MARCHF1: variants seen among roughly 807,000 people sequenced by gnomAD.
MARCHF1 encodes the protein membrane associated ring-CH-type finger 1.
A neutral mutation model predicts 54.2 loss-of-function variants in MARCHF1; 40 were observed. The observed-to-expected ratio is 0.74, with a 90% CI of 0.57 to 0.96. MARCHF1 has a LOEUF of 0.96. Among genes scored for constraint, MARCHF1 ranks in the 40% least tolerant of loss-of-function variants. MARCHF1 has a pLI of 0.00. For synonymous variants in MARCHF1, 236 were observed against 236.3 expected (o/e 1.00, Z 0.01); for missense variants, 586 against 656.5 (o/e 0.89, Z 1.17).
intron 1 of MARCHF1, among the ~76,000 whole-genome samples, chr4:164,207,383 C>T (rs946582801): frequency 1.4e-4 from 21 of 152,134 alleles, no homozygotes; most frequent in Non-Finnish European, 2.4e-4. Context: ...TACTGTGTTA[C>T]AGGCACCGGC....
At chr4:164,043,271 A>G (rs1754167412) in intron 2 of MARCHF1, among the ~76,000 whole-genome samples, 1 of 152,218 alleles carries the variant, frequency 6.6e-6, no homozygotes, top group Non-Finnish European at 1.5e-5. Flanking sequence ...TTCTGCCTGG[A>G]CATCCAGGCA....
intron 1 of MARCHF1, among the ~76,000 whole-genome samples, chr4:164,317,964 T>C (rs7680916): frequency 0.15 from 22,150 of 152,118 alleles, 2,463 homozygotes; most frequent in East Asian, 0.42. Context: ...AGGCTAAAAA[T>C]GATTTTCAGG....
intron 4 of MARCHF1, among the ~76,000 whole-genome samples, chr4:163,827,581 C>T (rs1015237128): frequency 6.6e-6 from 1 of 152,146 alleles, no homozygotes; most frequent in East Asian, 1.9e-4. Context: ...AAAAGCAGAG[C>T]ACCCCTCTGT....
chr4:163,551,441 A>G (rs770769714), intron 8 of MARCHF1, among the ~76,000 whole-genome samples: 31 of 152,224 alleles, frequency 2.0e-4, no homozygotes, highest in Non-Finnish European at 4.1e-4. Flanking sequence ...ATTTTAAAAG[A>G]CCAGCAGAAA....
At chr4:163,857,109 A>T (rs986190302) in intron 3 of MARCHF1, among the ~76,000 whole-genome samples, 2 of 148,826 alleles carry the variant, frequency 1.3e-5, no homozygotes, top group African/African-American at 4.9e-5. Context: ...GAGAGAGAGA[A>T]AAAAAAAAAA....
intron 4 of MARCHF1, among the ~76,000 whole-genome samples, chr4:163,839,589 A>T (rs1272195885): frequency 6.6e-6 from 1 of 152,140 alleles, no homozygotes; most frequent in Non-Finnish European, 1.5e-5. Context: ...TAAATAAAAG[A>T]TGTCAGTCAC....
intron 4 of MARCHF1, among the ~76,000 whole-genome samples, chr4:163,782,478 C>A (rs1747493148): frequency 6.6e-6 from 1 of 151,862 alleles, no homozygotes; most frequent in Admixed American, 6.6e-5. Context: ...CAAGACAGGC[C>A]TGGCCAATAT....
chr4:163,700,740 A>ATAAACATAAT (rs1364283178), intron 5 of MARCHF1, 73 bp downstream of exon 5: 1 of 1,129,320 alleles, frequency 8.9e-7, no homozygotes, highest in Non-Finnish European at 1.3e-6. Flanking sequence ...ATTATAGGTT[A>ATAAACATAAT]AACATTATAA....
chr4:164,221,015 A>C (rs1020649566), intron 1 of MARCHF1, among the ~76,000 whole-genome samples: 1 of 151,988 alleles, frequency 6.6e-6, no homozygotes, highest in African/African-American at 2.4e-5. Flanking sequence ...AAAACAAAGA[A>C]GGACATAACC....
At chr4:163,919,455 C>T (rs1242644055) in intron 3 of MARCHF1, among the ~76,000 whole-genome samples, 2 of 151,774 alleles carry the variant, frequency 1.3e-5, no homozygotes, top group African/African-American at 2.4e-5. Context: ...TATATAATTA[C>T]AAAGGACATA....
At chr4:164,241,036 C>T (rs79934610) in intron 1 of MARCHF1, among the ~76,000 whole-genome samples, 26,153 of 152,032 alleles carry the variant, frequency 0.17, 2,600 homozygotes, top group Admixed American at 0.31. Context: ...AGACCACTAT[C>T]GTAAAACCTA....
At chr4:163,624,451 C>T (rs1741799050) in intron 5 of MARCHF1, among the ~76,000 whole-genome samples, 1 of 152,192 alleles carries the variant, frequency 6.6e-6, no homozygotes, top group Non-Finnish European at 1.5e-5. Flanking sequence ...GACTTCTCCT[C>T]CTTTACTGTC....
chr4:163,886,344 GATAGATAT>G (rs1750536089), intron 3 of MARCHF1, among the ~76,000 whole-genome samples: 1 of 147,818 alleles, frequency 6.8e-6, no homozygotes, highest in Non-Finnish European at 1.5e-5. Context: ...TAGATAGATA[GATAGATAT>G]AGATAGATAG....
At position 163,860,962 on chromosome 4, in the gene MARCHF1, G is replaced by T. The variant is rs149807561; in HGVS notation, c.-38-6793C>A. Reference sequence around the variant, plus strand: ...CTAGAAAGCTGGCAAAAACAGTGAAGAGATATAAAAAAAGCACTGGAACCA... The same window carrying T: ...CTAGAAAGCTGGCAAAAACAGTGAATAGATATAAAAAAAGCACTGGAACCA... On this transcript the variant is annotated intron_variant, in intron 3 of 9. Coordinates refer to ENST00000514618, the MANE Select transcript of MARCHF1 (RefSeq NM_001394959.1). Among the ~76,000 whole-genome samples, 135 of 152,142 alleles carry T rather than the reference G, an allele frequency of 8.9e-4. 2 individuals carry two copies. The highest frequency in any genetic ancestry group is 3.2e-3 in the African/African-American group (131 of 41,516).
intron 1 of MARCHF1, among the ~76,000 whole-genome samples, chr4:164,240,135 G>T (rs528067120): frequency 6.6e-6 from 1 of 152,236 alleles, no homozygotes; most frequent in South Asian, 2.1e-4. Context: ...AGAACCAGGA[G>T]ACCTGGATTC....
intron 1 of MARCHF1, among the ~76,000 whole-genome samples, chr4:164,162,335 A>T (rs1232078445): frequency 2.0e-5 from 3 of 152,152 alleles, no homozygotes; most frequent in Non-Finnish European, 4.4e-5. Context: ...GAGACACCAA[A>T]TATGAAAGGC....
intron 4 of MARCHF1, among the ~76,000 whole-genome samples, chr4:163,765,321 A>G (rs1044674502): frequency 3.9e-5 from 6 of 152,144 alleles, no homozygotes; most frequent in African/African-American, 1.2e-4. Context: ...ATATTCAAAG[A>G]CTATTATCAA....
chr4:163,737,215 T>A (rs1746069390), intron 4 of MARCHF1, among the ~76,000 whole-genome samples: 1 of 9,902 alleles, frequency 1.0e-4, no homozygotes, highest in African/African-American at 1.9e-4. Flanking sequence ...TTTTTTTTAA[T>A]TTTTTTTTTT....
At chr4:163,585,560 A>G (rs1560957075) in intron 8 of MARCHF1, 189 bp downstream of exon 8, 1 of 424,768 alleles carries the variant, frequency 2.4e-6, no homozygotes, top group Non-Finnish European at 4.2e-6. Context: ...TAGAATATAA[A>G]ACATAGAAGA....
Sources: gnomAD v4.1 joint callset for allele counts (sites outside exome capture counted in the v4.1 genomes callset) on GRCh38, gnomAD v4.1.1 for gene constraint, MANE v1.5 for transcripts, NCBI Gene and HGNC (gene_info 2026-07-23, HGNC 2026-07-21) for gene names.